HECTD2: variants seen among roughly 807,000 people sequenced by gnomAD.
The protein encoded by HECTD2 is probable E3 ubiquitin-protein ligase HECTD2.
A neutral mutation model predicts 103.2 loss-of-function variants in HECTD2; 35 were observed. The observed-to-expected ratio is 0.34, with a 90% CI of 0.26 to 0.45. HECTD2 has a LOEUF of 0.45. Among genes scored for constraint, HECTD2 ranks in the 20% least tolerant of loss-of-function variants. The pLI, the probability that HECTD2 is intolerant of heterozygous loss-of-function variation, is 1.00. For missense variants in HECTD2, 596 were observed against 937.4 expected, an observed-to-expected ratio of 0.64 and a Z score of 4.76; for synonymous variants, 281 against 329.9, an observed-to-expected ratio of 0.85 and a Z score of 1.61.
chr10:91,502,909 T>G (rs894163483), intron 20 of HECTD2, among the ~76,000 whole-genome samples: 21 of 152,266 alleles, frequency 1.4e-4, no homozygotes, highest in African/African-American at 5.1e-4. Context: ...ATCTCACATA[T>G]ATTAAATAAA....
intron 2 of HECTD2, among the ~76,000 whole-genome samples, chr10:91,457,351 T>A (rs543487112): frequency 2.6e-5 from 4 of 151,728 alleles, no homozygotes; most frequent in African/African-American, 9.7e-5. Context: ...AAAGATAGTT[T>A]AAAAAAAATA....
chr10:91,436,086 A>G, intron 2 of HECTD2, among the ~76,000 whole-genome samples: 1 of 151,844 alleles, frequency 6.6e-6, no homozygotes, highest in Non-Finnish European at 1.5e-5. Flanking sequence ...AAAGCTAGTA[A>G]TAAGTTTAAA....
intron 1 of HECTD2, among the ~76,000 whole-genome samples, chr10:91,420,990 T>C (rs2133009048): frequency 6.6e-6 from 1 of 152,322 alleles, no homozygotes. Flanking sequence ...ATGGCAGCCA[T>C]GGTAATGTGC....
intron 12 of HECTD2, among the ~76,000 whole-genome samples, chr10:91,491,584 A>G (rs1231672632): frequency 6.6e-6 from 1 of 152,134 alleles, no homozygotes; most frequent in Non-Finnish European, 1.5e-5. Flanking sequence ...TAAATGAGTA[A>G]TTCATGTTTC....
chr10:91,412,459 T>G (rs1006911637), intron 1 of HECTD2, among the ~76,000 whole-genome samples: 7 of 151,420 alleles, frequency 4.6e-5, no homozygotes. Flanking sequence ...TTGAGGGTTT[T>G]TTTTTTTTCT....
In HECTD2 at chr10:91,514,137, T is replaced by G. The variant is rs1847526454; in HGVS notation, c.*1753T>G. ...ACCACTTATAAGCACAAAAGAAACA[T>G]GTATAAGAAACCAGATTTAAGTGTT... On this transcript the variant is annotated 3_prime_UTR_variant, in exon 21 of 21. Transcript: ENST00000298068. 6.6e-6 allele frequency: 1 copy of G among 152,628 alleles called. No homozygotes were observed. Among genetic ancestry groups the G allele is most frequent in the African/African-American group, 2.4e-5 (1 of 41,442 alleles). 9.5% of individuals were successfully genotyped at this position (152,628 alleles called of 1,614,324 possible). A position where few individuals can be genotyped will look rare whatever the true frequency, so the allele number is the denominator to read the frequency against.
chr10:91,500,394 TAC>T, intron 18 of HECTD2, 106 bp from the exon 19 acceptor site: 3 of 546,432 alleles, frequency 5.5e-6, no homozygotes, highest in Admixed American at 6.1e-5. Flanking sequence ...TGGTTTGATT[TAC>T]TATGAGAAAT....
intron 7 of HECTD2, among the ~76,000 whole-genome samples, chr10:91,482,749 C>T (rs561132990): frequency 2.7e-4 from 41 of 152,136 alleles, no homozygotes; most frequent in African/African-American, 7.2e-4. Context: ...AATTAGCCCT[C>T]AGACCCAGAT....
intron 2 of HECTD2, among the ~76,000 whole-genome samples, chr10:91,439,797 C>A (rs1844317682): frequency 6.6e-6 from 1 of 152,128 alleles, no homozygotes; most frequent in South Asian, 2.1e-4. Flanking sequence ...AGGTCCTTCA[C>A]ATCCTTTGTA....
intron 2 of HECTD2, among the ~76,000 whole-genome samples, chr10:91,426,583 C>CACAA (rs1469365245): frequency 3.3e-5 from 5 of 151,682 alleles, no homozygotes; most frequent in African/African-American, 1.2e-4. Flanking sequence ...CACACACACA[C>CACAA]AAGCACACAC....
rs1397160999 is a variant in HECTD2, at chr10:91,501,056, A to C, written c.2067-135A>C. On this transcript the variant is annotated intron_variant, in intron 19 of 20. Coordinates refer to ENST00000298068, the MANE Select transcript of HECTD2 (RefSeq NM_182765.6). ...TCTAATACGTATATAGAAGCTCACC[A>C]TTCCTTAATTTTACAGAAATTCAGG... 29 of 666,596 alleles carry C rather than the reference A, an allele frequency of 4.4e-5. No individual in the cohort carries two copies. The South Asian group carries it at 4.8e-4, about 11-fold the overall frequency. The allele number at this position is 666,596 out of a possible 1,614,324, so 41.3% of individuals were successfully genotyped here. A position where few individuals can be genotyped will look rare whatever the true frequency, so the allele number is the denominator to read the frequency against.
chr10:91,463,995 C>T (rs966727355), intron 5 of HECTD2, among the ~76,000 whole-genome samples: 3 of 151,996 alleles, frequency 2.0e-5, no homozygotes, highest in Admixed American at 6.6e-5. Flanking sequence ...GAATTTAAGT[C>T]GTTTTTTGCA....
intron 5 of HECTD2, among the ~76,000 whole-genome samples, chr10:91,470,989 C>T (rs941299764): frequency 5.4e-5 from 8 of 146,996 alleles, no homozygotes; most frequent in South Asian, 2.1e-4. Context: ...CACACACACA[C>T]GCACACACAC....
In HECTD2 at chr10:91,410,349, C is replaced by G; in HGVS notation, c.-90C>G. 1.3e-6 allele frequency: 1 copy of G among 788,788 alleles called. No individual in the cohort carries two copies. The highest frequency in any genetic ancestry group is 1.7e-6 in the Non-Finnish European group (1 of 602,620). 48.9% of individuals were successfully genotyped at this position (788,788 alleles called of 1,614,324 possible). On this transcript the variant is annotated 5_prime_UTR_variant, in exon 1 of 21. Coordinates refer to ENST00000298068, the MANE Select transcript of HECTD2 (RefSeq NM_182765.6). Reference sequence around the variant, plus strand: ...GCGGCTAGAAGCGGCAGCCCAGAGCCCTCTCGCGGCCGCGGCGGCAGCAGC... The same window carrying G: ...GCGGCTAGAAGCGGCAGCCCAGAGCGCTCTCGCGGCCGCGGCGGCAGCAGC...
chr10:91,429,677 T>C (rs1843747566), intron 2 of HECTD2, among the ~76,000 whole-genome samples: 1 of 152,178 alleles, frequency 6.6e-6, no homozygotes, highest in Non-Finnish European at 1.5e-5. Flanking sequence ...GAGGTGTTTG[T>C]AGTATTCTCT....
rs778451899 is a variant in HECTD2, at chr10:91,485,296, T to C, written c.1087T>C (p.Ser363Pro). The change falls in exon 10 of 21, where the codon TCT becomes CCT. Residue 363 changes from serine to proline, a missense_variant. Physicochemically the swap from Ser to Pro is moderately conservative, Grantham distance 74. Coordinates refer to ENST00000298068, the MANE Select transcript of HECTD2 (RefSeq NM_182765.6). The part of the protein sequence containing the change: ...EYHTWQNFGN[S>P]HRFSFCQYPF... ...TCATACTTGGCAAAACTTTGGAAACTCTCACAGGTATGAACAAAAGTTCCT... is the reference window on the plus strand; with the variant it reads ...TCATACTTGGCAAAACTTTGGAAACCCTCACAGGTATGAACAAAAGTTCCT... 6.9e-6 allele frequency: 11 copies of C among 1,590,672 alleles called. No individual in the cohort carries two copies. The highest frequency in any genetic ancestry group is 1.4e-5 in the African/African-American group (1 of 73,458).
Position 91,476,273 on chromosome 10 carries a change from G to A in HECTD2, c.601-1928G>A, listed in dbSNP as rs151121240. ...GTCAAGTGCAGTTGCAGGCAAATTG[G>A]TAGAATTTACATAGGGACAGTGAAT... On this transcript the variant is annotated intron_variant, in intron 5 of 20. Coordinates refer to ENST00000298068, the MANE Select transcript of HECTD2 (RefSeq NM_182765.6). Among the ~76,000 whole-genome samples, 521 of 152,328 alleles carry A rather than the reference G, an allele frequency of 3.4e-3. 3 individuals are homozygous for A. The highest frequency in any genetic ancestry group is 7.1e-3 in the South Asian group (34 of 4,818).
At chr10:91,505,503 A>G (rs1847119550) in intron 20 of HECTD2, among the ~76,000 whole-genome samples, 1 of 151,952 alleles carries the variant, frequency 6.6e-6, no homozygotes, top group Non-Finnish European at 1.5e-5. Flanking sequence ...CTTTAAACCA[A>G]CAAAGATCAA....
intron 2 of HECTD2, among the ~76,000 whole-genome samples, chr10:91,437,619 C>CTTTTTTTTTTTTTTTTTTTTGTTT (rs59785873): frequency 1.1e-4 from 10 of 87,294 alleles, no homozygotes; most frequent in South Asian, 4.5e-4. Context: ...GATGGTTGTT[C>CTTTTTTTTTTTTTTTTTTTTGTTT]TTTTTTTTTT....
Sources: gnomAD v4.1 joint callset for allele counts (sites outside exome capture counted in the v4.1 genomes callset) on GRCh38, gnomAD v4.1.1 for gene constraint, MANE v1.5 for transcripts, NCBI Gene and HGNC (gene_info 2026-07-23, HGNC 2026-07-21) for gene names.